The following MDN1 variants were observed in gnomAD, a reference collection of about 807,000 sequenced individuals.
MDN1 encodes the protein midasin.
A neutral mutation model predicts 669.2 loss-of-function variants in MDN1; 266 were observed. The ratio of observed to expected loss-of-function variants is 0.40; its 90% CI spans 0.36 to 0.44. MDN1 has a LOEUF of 0.44. Ranked by LOEUF, MDN1 falls within the 20% of genes least tolerant of loss-of-function variation. MDN1 has a pLI of 1.00. For synonymous variants in MDN1, 2,385 were observed against 2,457.1 expected (o/e 0.97, Z 0.87); for missense variants, 5,940 against 6,754.0 (o/e 0.88, Z 4.22).
At chr6:89,647,987 G>A in intron 99 of MDN1, 45 bp downstream of exon 99, 1 of 1,442,482 alleles carries the variant, frequency 6.9e-7, no homozygotes, top group Non-Finnish European at 9.8e-7. Flanking sequence ...ACCTACACCA[G>A]TTTAAAAATA....
At position 89,664,632 on chromosome 6, in the gene MDN1, C is replaced by T. The variant is rs1433750164; in HGVS notation, c.14095-4G>A. ...CCTTCTGAAATGTATCTTCCACCTA[C>T]ATAAAGAAGTATTAAACATAAATAA... On this transcript the variant is annotated splice_region_variant and splice_polypyrimidine_tract_variant and intron_variant, in intron 84 of 101. Transcript: ENST00000369393. The T allele has an allele frequency of 6.2e-7, 1 of 1,600,490 alleles. No homozygotes were observed. The highest frequency in any genetic ancestry group is 8.5e-7 in the Non-Finnish European group (1 of 1,171,822).
chr6:89,678,873 T>C, intron 74 of MDN1, 128 bp from the exon 75 acceptor site: 1 of 960,698 alleles, frequency 1.0e-6, no homozygotes, highest in Non-Finnish European at 1.5e-6. Flanking sequence ...CTTTATACCC[T>C]GGGTACTTAA....
intron 97 of MDN1, 56 bp from the exon 98 acceptor site, chr6:89,648,385 C>A: frequency 6.6e-7 from 1 of 1,516,760 alleles, no homozygotes; most frequent in African/African-American, 1.4e-5. Flanking sequence ...AAACCAGAGC[C>A]TCTCAACTAT....
intron 9 of MDN1, 141 bp downstream of exon 9, chr6:89,784,871 G>A (rs1818869915): frequency 3.6e-6 from 2 of 562,410 alleles, no homozygotes; most frequent in Admixed American, 3.1e-5. Flanking sequence ...AATAACAGAT[G>A]AAGCAAATAC....
intron 2 of MDN1, among the ~76,000 whole-genome samples, chr6:89,803,093 G>A (rs940646729): frequency 2.6e-5 from 4 of 152,126 alleles, no homozygotes; most frequent in African/African-American, 9.7e-5. Context: ...ACATATCCTG[G>A]CCATCTTTCC....
Position 89,793,743 on chromosome 6 carries a change from CCTA to C in MDN1, c.855+16_855+18del. On this transcript the variant is annotated intron_variant, in intron 5 of 101. Coordinates refer to ENST00000369393, the MANE Select transcript of MDN1 (RefSeq NM_014611.3). ...TTAGTAGGGGGAAGGGGACACACCC[CCTA>C]CTGATACCAACATACCAGCTCTCCA... 6.2e-7 allele frequency: 1 copy of C among 1,606,256 alleles called. No individual in the cohort carries two copies. Among genetic ancestry groups the C allele is most frequent in the Non-Finnish European group, 8.5e-7 (1 of 1,175,512 alleles).
At chr6:89,756,219 G>A in intron 20 of MDN1, 58 bp downstream of exon 20, 1 of 767,790 alleles carries the variant, frequency 1.3e-6, no homozygotes, top group Middle Eastern at 2.4e-4. Context: ...GTGTGCACGA[G>A]TAGCACATTT....
At chr6:89,754,372 T>G in intron 20 of MDN1, 142 bp from the exon 21 acceptor site, 1 of 775,388 alleles carries the variant, frequency 1.3e-6, no homozygotes, top group Non-Finnish European at 2.0e-6. Flanking sequence ...TCAAAATATC[T>G]TAGTCTCTTT....
chr6:89,650,102 G>T lies in MDN1; in HGVS notation c.16128C>A (p.Thr5376=). 6.2e-7 allele frequency: 1 copy of T among 1,614,056 alleles called. No homozygotes were observed. Among genetic ancestry groups the T allele is most frequent in the South Asian group, 1.1e-5 (1 of 91,080 alleles). The part of the protein sequence containing the change: ...FRKDKIWLRR[T]KPSKRQYQIC... ...TCTGATACTGGCGTTTACTGGGCTT[G>T]GTCCTTCGAAGCCAAATCTTGTCTT... Residue 5376 remains threonine, a synonymous_variant, in exon 97 of 102, where the codon ACC becomes ACA. Coordinates refer to ENST00000369393, the MANE Select transcript of MDN1 (RefSeq NM_014611.3).
In MDN1 at chr6:89,655,836, C is replaced by A. The variant is rs1809238609; in HGVS notation, c.15418G>T (p.Ala5140Ser). The change falls in exon 92 of 102, where the codon GCC becomes TCC. Residue 5140 changes from alanine (A) to serine (S), a missense_variant. By Grantham distance (99) the Ala-to-Ser change is moderately conservative. Around this residue, in one of 5 missense-constraint regions of MDN1, gnomAD observed 2,280 missense variants for 2,576.3 expected, o/e 0.88. Coordinates refer to ENST00000369393, the MANE Select transcript of MDN1 (RefSeq NM_014611.3). The part of the protein sequence containing the change: ...AEQGPAQQPQ[A>S]QVEDADAFEH... Reference sequence around the variant, plus strand: ...AATGCATCTGCATCCTCCACCTGGGCCTGGGGCTGCTGAGCTGGCCCCTGC... The same window carrying A: ...AATGCATCTGCATCCTCCACCTGGGACTGGGGCTGCTGAGCTGGCCCCTGC... 1 of 1,613,988 alleles carries A rather than the reference C, an allele frequency of 6.2e-7. No individual in the cohort carries two copies. The highest frequency in any genetic ancestry group is 8.5e-7 in the Non-Finnish European group (1 of 1,180,016).
rs76643537 is a variant in MDN1 at position 89,688,198 on chromosome 6, C to T, written c.11260-25G>A. The T allele has an allele frequency of 3.1e-4, 495 of 1,588,518 alleles. No individual in the cohort carries two copies. The African/African-American group carries it at 6.2e-3, about 20-fold the overall frequency. ...GCTGCAGAAATAAAGATTTGGGTAT[C>T]TCAGTAGGAATACCAGTGATCCTAA... On this transcript the variant is annotated intron_variant, in intron 66 of 101. Transcript: ENST00000369393.
At position 89,794,580 on chromosome 6, in the gene MDN1, C is replaced by T; in HGVS notation, c.551G>A (p.Arg184His). ...AAAAAGTCTAACAGCTACGCACCAG[C>T]GAACCAAGGTGTCATGGCTTCTGAG... ...PLLRSHDTLV[R>H]WYTANCLALV... Residue 184 changes from arginine to histidine, a missense_variant, in exon 3 of 102, where the codon CGC (arginine) becomes CAC (histidine). By Grantham distance (29) the Arg-to-His change is conservative. Transcript: ENST00000369393. 6.2e-7 allele frequency: 1 copy of T among 1,612,838 alleles called. No homozygotes were observed. Among genetic ancestry groups the T allele is most frequent in the Non-Finnish European group, 8.5e-7 (1 of 1,179,998 alleles).
At chr6:89,649,894 A>T (rs1470250254) in intron 97 of MDN1, 130 bp downstream of exon 97, 1 of 969,072 alleles carries the variant, frequency 1.0e-6, no homozygotes, top group Non-Finnish European at 1.6e-6. Context: ...CCTAACAGGT[A>T]TTTCAAAATG....
chr6:89,782,542 A>C (rs1438467259), intron 9 of MDN1, among the ~76,000 whole-genome samples: 1 of 151,862 alleles, frequency 6.6e-6, no homozygotes, highest in Non-Finnish European at 1.5e-5. Context: ...CAGTGAGCTG[A>C]GCACCACTGC....
intron 38 of MDN1, among the ~76,000 whole-genome samples, chr6:89,723,865 C>T (rs1453396906): frequency 1.3e-5 from 2 of 152,080 alleles, no homozygotes. Context: ...AAAAAAGAGG[C>T]CCAGTGCGGT....
chr6:89,651,324 CAAAAAAAAAAAA>C (rs57142164), intron 95 of MDN1, among the ~76,000 whole-genome samples: 1 of 94,656 alleles, frequency 1.1e-5, no homozygotes, highest in Admixed American at 1.2e-4. Context: ...GATTCCGTCT[CAAAAAAAAAAAA>C]AAAAAAAAGA....
rs375012320 is a variant in MDN1, at chr6:89,710,616, T to C, written c.7765+65A>G. On this transcript the variant is annotated intron_variant, in intron 50 of 101. Transcript: ENST00000369393. ...GAGACCTCTAACAGGTCAGATCTTT[T>C]CCCCATAAAGTCAAAAGATAAGTTT... 5.8e-5 allele frequency: 53 copies of C among 914,054 alleles called. No homozygotes were observed. In the East Asian group the frequency reaches 9.4e-4, roughly 16 times the overall value. The allele number at this position is 914,054 out of a possible 1,614,324, so 56.6% of individuals were successfully genotyped here. A position where few individuals can be genotyped will look rare whatever the true frequency, so the allele number is the denominator to read the frequency against.
intron 15 of MDN1, among the ~76,000 whole-genome samples, chr6:89,769,746 GTCA>G (rs1291594097): frequency 6.6e-6 from 1 of 152,162 alleles, no homozygotes; most frequent in Non-Finnish European, 1.5e-5. Flanking sequence ...ACCTTTTCGT[GTCA>G]TCAATTTGCA....
chr6:89,752,483 CT>C (rs775300921), intron 22 of MDN1, among the ~76,000 whole-genome samples: 24 of 152,220 alleles, frequency 1.6e-4, no homozygotes, highest in Non-Finnish European at 2.4e-4. Flanking sequence ...CTCTCTCTTC[CT>C]AATGAATAAG....
Sources: allele counts gnomAD v4.1 joint callset (sites outside exome capture counted in the v4.1 genomes callset), GRCh38; gene constraint gnomAD v4.1.1; regional missense constraint gnomAD v4.1.1; transcripts MANE v1.5; gene names NCBI Gene and HGNC (gene_info 2026-07-23, HGNC 2026-07-21).